DRC11: variants seen among roughly 807,000 people sequenced by gnomAD.
The protein encoded by DRC11 is IQ and AAA domain-containing protein 1.
chr2:236,459,830 GAACATTACTTTT>G, the DRC11 span, among the ~76,000 whole-genome samples: 1 of 151,362 alleles, frequency 6.6e-6, no homozygotes, highest in Non-Finnish European at 1.5e-5. Context: ...GTTCTACAAC[GAACATTACTTTT>G]AACATTGGGA....
At chr2:236,436,740 T>C in the DRC11 span, among the ~76,000 whole-genome samples, 1 of 152,254 alleles carries the variant, frequency 6.6e-6, no homozygotes, top group South Asian at 2.1e-4. Flanking sequence ...TTGATCTTCA[T>C]AGTTTGGAAG....
chr2:236,361,865 A>G, the DRC11 span, among the ~76,000 whole-genome samples: 1 of 152,350 alleles, frequency 6.6e-6, no homozygotes, highest in South Asian at 2.1e-4. This position sits in a 1 kb window ranked among gnomAD's most constrained non-coding sequence, Gnocchi z 5.7. Context: ...GCTATCCATA[A>G]GAAATGCACT....
the DRC11 span, among the ~76,000 whole-genome samples, chr2:236,402,563 C>T: frequency 6.6e-6 from 1 of 152,200 alleles, no homozygotes; most frequent in East Asian, 1.9e-4. The surrounding 1 kb of genome is among the most constrained non-coding windows in gnomAD (Gnocchi z 6.0). Flanking sequence ...GCATGGCAGG[C>T]TTGCCTGGAA....
At chr2:236,402,115 G>A in the DRC11 span, among the ~76,000 whole-genome samples, 1 of 152,250 alleles carries the variant, frequency 6.6e-6, no homozygotes, top group African/African-American at 2.4e-5. This position sits in a 1 kb window ranked among gnomAD's most constrained non-coding sequence, Gnocchi z 6.0. Flanking sequence ...ATCCTCCCCA[G>A]CTCAGGGCTG....
the DRC11 span, among the ~76,000 whole-genome samples, chr2:236,404,161 T>TAAAAAAAA: frequency 1.1e-5 from 1 of 91,568 alleles, no homozygotes; most frequent in African/African-American, 4.0e-5. Flanking sequence ...AATGGAGAGT[T>TAAAAAAAA]AAAAAAAAAA....
chr2:236,351,655 C>T, the DRC11 span, among the ~76,000 whole-genome samples: 2 of 151,562 alleles, frequency 1.3e-5, no homozygotes, highest in Non-Finnish European at 2.9e-5. This position sits in a 1 kb window ranked among gnomAD's most constrained non-coding sequence, Gnocchi z 7.3. Context: ...GGGAGCTGTG[C>T]TGGCCTTGGG....
At chr2:236,320,801 T>A in the DRC11 span, among the ~76,000 whole-genome samples, 8 of 151,710 alleles carry the variant, frequency 5.3e-5, 1 homozygote, top group Admixed American at 4.6e-4. Context: ...CTCTGAGGAG[T>A]CTACAGCTCC....
chr2:236,452,904 G>A, the DRC11 span, among the ~76,000 whole-genome samples: 1 of 152,082 alleles, frequency 6.6e-6, no homozygotes, highest in African/African-American at 2.4e-5. This position sits in a 1 kb window ranked among gnomAD's most constrained non-coding sequence, Gnocchi z 4.7. Context: ...TGGCTATTTC[G>A]GTTCTGGTTA....
chr2:236,465,704 G>A, the DRC11 span: 2 of 1,604,306 alleles, frequency 1.2e-6, no homozygotes, highest in Non-Finnish European at 1.7e-6. The surrounding 1 kb of genome is among the most constrained non-coding windows in gnomAD (Gnocchi z 6.2). Context: ...AAGAGAGGAG[G>A]TGGATTCTGA....
At chr2:236,397,859 T>A in the DRC11 span, among the ~76,000 whole-genome samples, 23 of 152,324 alleles carry the variant, frequency 1.5e-4, no homozygotes, top group East Asian at 4.2e-3. This position sits in a 1 kb window ranked among gnomAD's most constrained non-coding sequence, Gnocchi z 5.0. Flanking sequence ...CCCACCACTG[T>A]AATCCCCAAC....
At chr2:236,323,650 T>C in the DRC11 span, among the ~76,000 whole-genome samples, 1 of 152,218 alleles carries the variant, frequency 6.6e-6, no homozygotes, top group Non-Finnish European at 1.5e-5. This position sits in a 1 kb window ranked among gnomAD's most constrained non-coding sequence, Gnocchi z 6.4. Flanking sequence ...CCTGGATGCC[T>C]GACCTGGTCT....
the DRC11 span, among the ~76,000 whole-genome samples, chr2:236,459,534 C>CGTCTACAT: frequency 1.4e-5 from 1 of 70,104 alleles, no homozygotes; most frequent in African/African-American, 5.7e-5. Context: ...TACATGTATA[C>CGTCTACAT]GTATACGTAT....
the DRC11 span, among the ~76,000 whole-genome samples, chr2:236,357,745 T>TAAATATATAA: frequency 7.9e-6 from 1 of 126,588 alleles, no homozygotes; most frequent in Admixed American, 8.4e-5. Flanking sequence ...ATATAATATG[T>TAAATATATAA]AAATATATAA....
At chr2:236,407,303 G>A in the DRC11 span, among the ~76,000 whole-genome samples, 1 of 152,176 alleles carries the variant, frequency 6.6e-6, no homozygotes, top group South Asian at 2.1e-4. Flanking sequence ...AGAGCTTCTT[G>A]GTTATGAGTA....
the DRC11 span, among the ~76,000 whole-genome samples, chr2:236,482,065 AATTCT>A: frequency 6.7e-6 from 1 of 149,152 alleles, no homozygotes; most frequent in African/African-American, 2.5e-5. The surrounding 1 kb of genome is among the most constrained non-coding windows in gnomAD (Gnocchi z 4.5). Flanking sequence ...TTATATGTAT[AATTCT>A]ACATATTATA....
chr2:236,392,275 C>T, the DRC11 span: 56 of 1,594,966 alleles, frequency 3.5e-5, no homozygotes, highest in East Asian at 6.0e-4. This position sits in a 1 kb window ranked among gnomAD's most constrained non-coding sequence, Gnocchi z 5.1. Flanking sequence ...TAATTCTTTT[C>T]GTTTCTCCTC....
At chr2:236,417,380 C>T in the DRC11 span, among the ~76,000 whole-genome samples, 1 of 152,062 alleles carries the variant, frequency 6.6e-6, no homozygotes, top group African/African-American at 2.4e-5. Context: ...GCTGCTCCTC[C>T]CACACAGAAG....
At chr2:236,443,685 C>T in the DRC11 span, among the ~76,000 whole-genome samples, 8 of 152,278 alleles carry the variant, frequency 5.3e-5, no homozygotes, top group Non-Finnish European at 7.3e-5. The surrounding 1 kb of genome is among the most constrained non-coding windows in gnomAD (Gnocchi z 4.4). Flanking sequence ...TGAACATATG[C>T]GTGCAGATAT....
the DRC11 span, chr2:236,493,628 C>G: frequency 1.6e-6 from 1 of 644,452 alleles, no homozygotes; most frequent in Admixed American, 3.4e-5. Flanking sequence ...TATGCAACTT[C>G]TTATGTACTG....
Sources: allele counts gnomAD v4.1 joint callset (sites outside exome capture counted in the v4.1 genomes callset), GRCh38; gene constraint gnomAD v4.1.1; non-coding constraint Gnocchi (gnomAD v3.1); transcripts MANE v1.5; gene names NCBI Gene and HGNC (gene_info 2026-07-23, HGNC 2026-07-21).